Variants in RSF1 observed in about 807,000 individuals in gnomAD.
The protein encoded by RSF1 is remodeling and spacing factor 1.
RSF1 carries 13 observed loss-of-function variants against 145.2 expected under a neutral mutation model. That is an observed-to-expected ratio of 0.09 (90% CI 0.06 to 0.14). The LOEUF is 0.14. Among genes scored for constraint, RSF1 ranks in the 10% least tolerant of loss-of-function variants. RSF1 has a pLI of 1.00. For missense variants in RSF1, 1,517 were observed against 1,718.2 expected (o/e 0.88, Z 2.07); for synonymous variants, 577 against 592.6 (o/e 0.97, Z 0.38).
At chr11:77,785,375 A>C (rs1948443658) in intron 1 of RSF1, among the ~76,000 whole-genome samples, 1 of 151,852 alleles carries the variant, frequency 6.6e-6, no homozygotes, top group South Asian at 2.1e-4. Context: ...GGATCACCTG[A>C]GATCAGGAGT....
At chr11:77,711,670 A>G (rs530864757) in intron 5 of RSF1, among the ~76,000 whole-genome samples, 97 of 146,940 alleles carry the variant, frequency 6.6e-4, no homozygotes, top group Non-Finnish European at 1.3e-3. Flanking sequence ...AGTCCGTCTC[A>G]AAAACAAACA....
intron 1 of RSF1, among the ~76,000 whole-genome samples, chr11:77,803,551 G>A (rs546484180): frequency 1.3e-5 from 2 of 151,934 alleles, no homozygotes; most frequent in African/African-American, 4.8e-5. Context: ...GGCCAAGGCG[G>A]GTGGATCACT....
At chr11:77,698,757 T>C (rs1960343131) in intron 6 of RSF1, 64 bp from the exon 7 acceptor site, 2 of 1,330,264 alleles carry the variant, frequency 1.5e-6, no homozygotes. Flanking sequence ...AATCTCCTGA[T>C]TACATGTCCA....
intron 1 of RSF1, among the ~76,000 whole-genome samples, chr11:77,783,167 A>G (rs909394486): frequency 2.6e-5 from 4 of 152,274 alleles, no homozygotes; most frequent in South Asian, 2.1e-4. Context: ...CAACATGAAC[A>G]CTTTTTACCC....
the RSF1 span, among the ~76,000 whole-genome samples, chr11:77,834,187 G>A: frequency 6.6e-6 from 1 of 152,112 alleles, no homozygotes; most frequent in Non-Finnish European, 1.5e-5. Flanking sequence ...TGAATAAAAT[G>A]TAAATTACAT....
At chr11:77,744,936 TTTCTC>T (rs1947983631) in intron 3 of RSF1, among the ~76,000 whole-genome samples, 1 of 152,210 alleles carries the variant, frequency 6.6e-6, no homozygotes, top group African/African-American at 2.4e-5. Context: ...ACCCTGGGCT[TTTCTC>T]TGATGGGACA....
At chr11:77,823,517 C>G (rs905927327), upstream of RSF1, among the ~76,000 whole-genome samples, 7 of 149,092 alleles carry the variant, frequency 4.7e-5, no homozygotes, top group African/African-American at 1.7e-4. Context: ...ACCCCTTGAG[C>G]CAAGGAGTTC....
chr11:77,802,124 A>G (rs1335607490), intron 1 of RSF1, among the ~76,000 whole-genome samples: 2 of 152,174 alleles, frequency 1.3e-5, no homozygotes, highest in Non-Finnish European at 2.9e-5. Flanking sequence ...TTGTTTACCC[A>G]GCGTACCTCT....
intron 1 of RSF1, among the ~76,000 whole-genome samples, chr11:77,799,052 C>T (rs957129440): frequency 8.0e-5 from 12 of 150,920 alleles, no homozygotes; most frequent in Non-Finnish European, 1.6e-4. Context: ...AAAAGCTACA[C>T]GCAGAAAAAT....
chr11:77,720,328 T>C (rs1247546410), intron 5 of RSF1, among the ~76,000 whole-genome samples: 5 of 152,220 alleles, frequency 3.3e-5, no homozygotes, highest in Non-Finnish European at 5.9e-5. Context: ...TAAATGTTAG[T>C]TGGGCTTCCC....
intron 1 of RSF1, among the ~76,000 whole-genome samples, chr11:77,814,280 C>T (rs191366152): frequency 6.6e-6 from 1 of 152,060 alleles, no homozygotes; most frequent in East Asian, 1.9e-4. Context: ...GGAGTATCAC[C>T]TGAGTCCAGG....
rs1488551026 is a variant in RSF1, at chr11:77,740,843, G to T, written c.466C>A (p.Arg156=). The change falls in exon 4 of 16, where the codon CGA becomes AGA. Residue 156 remains arginine, a synonymous_variant. Transcript: ENST00000308488. ...CAGTACATGAGGCCATCTTTGTCTC[G>T]ACCAATTGGCTGGAGACGCATAGTA... ...ADTMRLQPIG[R]DKDGLMYWYQ... is the part of the protein sequence containing the mutation. The T allele has an allele frequency of 6.2e-7, 1 of 1,613,616 alleles. No individual in the cohort carries two copies. Among genetic ancestry groups the T allele is most frequent in the Non-Finnish European group, 8.5e-7 (1 of 1,179,600 alleles).
intron 9 of RSF1, among the ~76,000 whole-genome samples, chr11:77,687,475 T>C (rs1960040890): frequency 6.6e-6 from 1 of 152,028 alleles, no homozygotes; most frequent in Non-Finnish European, 1.5e-5. Flanking sequence ...TTGGGTAACC[T>C]TGGGTAGATC....
At chr11:77,814,699 C>A (rs572207741) in intron 1 of RSF1, among the ~76,000 whole-genome samples, 36 of 152,262 alleles carry the variant, frequency 2.4e-4, no homozygotes, top group African/African-American at 8.4e-4. Flanking sequence ...GCCGCCTGGG[C>A]CTCCCTAAGT....
chr11:77,786,019 C>T (rs1948453588), intron 1 of RSF1, among the ~76,000 whole-genome samples: 1 of 141,052 alleles, frequency 7.1e-6, no homozygotes, highest in South Asian at 2.4e-4. Flanking sequence ...ATCTGCATAT[C>T]ATATCGTATA....
At position 77,701,149 on chromosome 11, in the gene RSF1, G is replaced by A. The variant is rs141788361; in HGVS notation, c.2080C>T (p.Pro694Ser). The change falls in exon 6 of 16, where the codon CCT becomes TCT. Residue 694 changes from proline (P) to serine (S), a missense_variant. This residue lies in a region of RSF1 where 579 missense variants were observed against 553.5 expected (regional missense o/e 1.05). Coordinates refer to ENST00000308488, the MANE Select transcript of RSF1 (RefSeq NM_016578.4). ...DNAQTSGIEE[P>S]SETKGSMQKS... ...TGCATAGAACCCTTTGTCTCAGAAG[G>A]CTCCTCTATGCCAGAGGTCTGGGCA... is the stretch of plus-strand genomic sequence containing the variant. 1.6e-4 allele frequency: 257 copies of A among 1,614,014 alleles called. 1 individual carries two copies. The African/African-American group carries it at 3.2e-3, about 20-fold the overall frequency.
intron 1 of RSF1, among the ~76,000 whole-genome samples, chr11:77,808,032 T>A (rs773870168): frequency 3.9e-5 from 6 of 152,064 alleles, no homozygotes; most frequent in South Asian, 4.1e-4. Context: ...ATTAAAAAAA[T>A]TTTTTAAATA....
At chr11:77,688,049 G>T (rs1402785718) in intron 9 of RSF1, among the ~76,000 whole-genome samples, 1 of 152,146 alleles carries the variant, frequency 6.6e-6, no homozygotes, top group African/African-American at 2.4e-5. Flanking sequence ...CCAGCACTTT[G>T]GTAGGCCAAG....
chr11:77,692,951 C>T (rs1444567656), intron 8 of RSF1, among the ~76,000 whole-genome samples: 1 of 152,192 alleles, frequency 6.6e-6, no homozygotes, highest in East Asian at 1.9e-4. Context: ...GCTGGGATTA[C>T]AGGTGTGAGC....
Sources: allele counts gnomAD v4.1 joint callset (sites outside exome capture counted in the v4.1 genomes callset), GRCh38; gene constraint gnomAD v4.1.1; regional missense constraint gnomAD v4.1.1; transcripts MANE v1.5; gene names NCBI Gene and HGNC (gene_info 2026-07-23, HGNC 2026-07-21).